Variants in CTNNA2 observed in about 807,000 individuals in gnomAD.
CTNNA2 encodes catenin alpha-2.
A neutral mutation model predicts 101.0 loss-of-function variants in CTNNA2; 42 were observed. That is an observed-to-expected ratio of 0.42 (90% CI 0.32 to 0.54). The LOEUF is 0.54. CTNNA2 is among the 20% of genes least tolerant of loss of function. CTNNA2 has a pLI of 0.14. For missense variants in CTNNA2, 871 were observed against 1,223.1 expected (o/e 0.71, Z 4.29); for synonymous variants, 450 against 456.4 (o/e 0.99, Z 0.18).
At chr2:80,628,240 C>G (rs1235371239) in intron 18 of CTNNA2, among the ~76,000 whole-genome samples, 1 of 151,828 alleles carries the variant, frequency 6.6e-6, no homozygotes, top group African/African-American at 2.4e-5. Flanking sequence ...CATTGACTTT[C>G]TTCACAGAAT....
chr2:80,553,223 C>CAA (rs143384465), intron 11 of CTNNA2, among the ~76,000 whole-genome samples: 14 of 114,334 alleles, frequency 1.2e-4, no homozygotes, highest in Non-Finnish European at 2.1e-4. Flanking sequence ...GACTCCGTCT[C>CAA]AAAAAAAAAA....
At chr2:80,608,395 T>G in intron 17 of CTNNA2, 77 bp downstream of exon 17, 1 of 1,493,682 alleles carries the variant, frequency 6.7e-7, no homozygotes, top group African/African-American at 1.4e-5. Flanking sequence ...GCAACAGTAC[T>G]GCTAAAAACA....
chr2:79,650,708 C>T (rs1031286213), intron 1 of CTNNA2, among the ~76,000 whole-genome samples: 9 of 151,146 alleles, frequency 6.0e-5, no homozygotes, highest in Non-Finnish European at 1.2e-4. Flanking sequence ...CATACATATA[C>T]ATGTGCCACG....
Position 80,302,706 on chromosome 2 carries a change from C to T in CTNNA2, c.1057-90505C>T. 2 of 1,612,758 alleles carry T rather than the reference C, an allele frequency of 1.2e-6. No homozygotes were observed. Among genetic ancestry groups the T allele is most frequent in the Non-Finnish European group, 1.7e-6 (2 of 1,179,786 alleles). On this transcript the variant is annotated intron_variant, in intron 7 of 18. Coordinates refer to ENST00000402739, the MANE Select transcript of CTNNA2 (RefSeq NM_001282597.3). This position sits in a 1 kb window ranked among gnomAD's most constrained non-coding sequence, Gnocchi z 6.4. ...TTGGTGACGGCCGAGAGCAGGTGGC[C>T]GCTGGTGGGCTCGGCCCCATCCTCG...
chr2:80,633,051 CTG>C (rs1200157877), intron 18 of CTNNA2, among the ~76,000 whole-genome samples: 9 of 152,230 alleles, frequency 5.9e-5, no homozygotes, highest in Admixed American at 5.9e-4. Flanking sequence ...GCTGGTATCT[CTG>C]TGCTCTGTAG....
chr2:80,527,947 G>A (rs977711992), intron 9 of CTNNA2, among the ~76,000 whole-genome samples: 2 of 152,108 alleles, frequency 1.3e-5, no homozygotes, highest in African/African-American at 4.8e-5. Flanking sequence ...TGGGTCCCAG[G>A]CATCAATATC....
intron 3 of CTNNA2, among the ~76,000 whole-genome samples, chr2:79,852,379 A>G (rs1284373167): frequency 1.3e-5 from 2 of 152,158 alleles, no homozygotes; most frequent in African/African-American, 4.8e-5. Flanking sequence ...GGTATAGGAA[A>G]TACATTGCAA....
chr2:79,636,411 G>A (rs1573535525), intron 1 of CTNNA2, among the ~76,000 whole-genome samples: 1 of 151,980 alleles, frequency 6.6e-6, no homozygotes, highest in Non-Finnish European at 1.5e-5. Context: ...CAGTGATGGA[G>A]TCCAAAGCAG....
intron 4 of CTNNA2, among the ~76,000 whole-genome samples, chr2:79,411,546 C>A (rs1163443161): frequency 2.6e-5 from 4 of 152,086 alleles, no homozygotes; most frequent in African/African-American, 7.2e-5. Flanking sequence ...CAACAGATCT[C>A]TCAGCAGAAT....
intron 3 of CTNNA2, among the ~76,000 whole-genome samples, chr2:79,329,281 A>G (rs1353948814): frequency 6.6e-6 from 1 of 152,140 alleles, no homozygotes; most frequent in East Asian, 1.9e-4. Flanking sequence ...GTTCCTAGAA[A>G]CAACATAGAT....
intron 5 of CTNNA2, among the ~76,000 whole-genome samples, chr2:79,871,461 C>T (rs1232309432): frequency 6.6e-6 from 1 of 152,134 alleles, no homozygotes; most frequent in Non-Finnish European, 1.5e-5. Flanking sequence ...GTGCAGGCCC[C>T]AGAGTCTAGA....
intron 7 of CTNNA2, among the ~76,000 whole-genome samples, chr2:80,051,115 G>T (rs1051550577): frequency 4.6e-5 from 7 of 152,160 alleles, no homozygotes; most frequent in African/African-American, 1.7e-4. Flanking sequence ...AATTGTTCTA[G>T]AAACAAAGGG....
intron 4 of CTNNA2, among the ~76,000 whole-genome samples, chr2:79,445,596 A>G (rs960159837): frequency 6.6e-6 from 1 of 152,152 alleles, no homozygotes; most frequent in African/African-American, 2.4e-5. Flanking sequence ...ATCACACTTC[A>G]GTTTTGACCT....
At chr2:80,115,760 C>T (rs1409235779) in intron 7 of CTNNA2, among the ~76,000 whole-genome samples, 1 of 152,004 alleles carries the variant, frequency 6.6e-6, no homozygotes, top group Non-Finnish European at 1.5e-5. Flanking sequence ...GGGCAAGGTT[C>T]TGGGAATGGA....
chr2:80,280,766 G>A (rs953816783), intron 7 of CTNNA2, among the ~76,000 whole-genome samples: 3 of 152,052 alleles, frequency 2.0e-5, no homozygotes, highest in Non-Finnish European at 4.4e-5. Flanking sequence ...GTCCTGCTCA[G>A]TCCTGTCTGA....
At chr2:79,395,702 C>T (rs1251199467) in intron 4 of CTNNA2, among the ~76,000 whole-genome samples, 3 of 152,182 alleles carry the variant, frequency 2.0e-5, no homozygotes, top group Non-Finnish European at 4.4e-5. Context: ...AAAGTTTCAT[C>T]AGCTCTGGAA....
At chr2:79,975,021 G>A (rs936488040) in intron 7 of CTNNA2, among the ~76,000 whole-genome samples, 1 of 152,162 alleles carries the variant, frequency 6.6e-6, no homozygotes, top group Non-Finnish European at 1.5e-5. Flanking sequence ...ACATCAAGAG[G>A]CTGGTGAGCT....
chr2:80,051,698 C>A (rs1192264988), intron 7 of CTNNA2, among the ~76,000 whole-genome samples: 1 of 151,688 alleles, frequency 6.6e-6, no homozygotes, highest in Non-Finnish European at 1.5e-5. Context: ...ACTCTTTTTC[C>A]CCCCCACAGA....
intron 3 of CTNNA2, among the ~76,000 whole-genome samples, chr2:79,338,549 C>T (rs2104425552): frequency 6.8e-6 from 1 of 146,578 alleles, no homozygotes; most frequent in South Asian, 2.2e-4. Flanking sequence ...TAAAGAGGAC[C>T]ATTTTTCTTC....
Sources: allele counts gnomAD v4.1 joint callset (sites outside exome capture counted in the v4.1 genomes callset), GRCh38; gene constraint gnomAD v4.1.1; non-coding constraint Gnocchi (gnomAD v3.1); transcripts MANE v1.5; gene names NCBI Gene and HGNC (gene_info 2026-07-23, HGNC 2026-07-21).